Variants in RANBP17 observed in about 807,000 individuals in gnomAD.
RANBP17 encodes the protein RAN binding protein 17.
RANBP17 carries 158 observed loss-of-function variants against 141.2 expected under a neutral mutation model. The ratio of observed to expected loss-of-function variants is 1.12; its 90% confidence interval spans 0.98 to 1.28. The LOEUF (loss-of-function observed/expected upper bound fraction) is 1.28. Ranked by LOEUF, RANBP17 falls within the 50% of genes most tolerant of loss-of-function variation. The pLI, the probability that RANBP17 is intolerant of heterozygous loss-of-function variation, is 0.00. For synonymous variants in RANBP17, 430 were observed against 450.0 expected, an observed-to-expected ratio of 0.96 and a Z score of 0.56; for missense variants, 1,438 against 1,290.7, an observed-to-expected ratio of 1.11 and a Z score of -1.75.
chr5:171,261,456 T>C (rs1269079296), intron 24 of RANBP17, among the ~76,000 whole-genome samples: 1 of 152,206 alleles, frequency 6.6e-6, no homozygotes, highest in Non-Finnish European at 1.5e-5. Flanking sequence ...TGGTGACAAG[T>C]TTTGAGCTTA....
At chr5:171,069,931 C>T (rs900494349) in intron 14 of RANBP17, among the ~76,000 whole-genome samples, 2 of 152,150 alleles carry the variant, frequency 1.3e-5, no homozygotes, top group African/African-American at 4.8e-5. Flanking sequence ...TAAAAACGGT[C>T]TGCCAAACCT....
intron 14 of RANBP17, among the ~76,000 whole-genome samples, chr5:171,022,657 A>C (rs753682854): frequency 6.6e-6 from 1 of 152,174 alleles, no homozygotes; most frequent in Non-Finnish European, 1.5e-5. Flanking sequence ...GGAGGGGAAA[A>C]GTGCAGCCTG....
intron 14 of RANBP17, among the ~76,000 whole-genome samples, chr5:171,041,524 TTTG>T (rs1782248591): frequency 1.3e-5 from 2 of 152,112 alleles, no homozygotes; most frequent in South Asian, 2.1e-4. Flanking sequence ...TTTAGGCAAT[TTTG>T]TTGTTGTGGA....
intron 14 of RANBP17, among the ~76,000 whole-genome samples, chr5:171,103,976 C>T (rs1787368809): frequency 1.3e-5 from 2 of 152,168 alleles, no homozygotes; most frequent in South Asian, 4.1e-4. Flanking sequence ...GGTACCTCAG[C>T]CGGAAATGCA....
At chr5:171,089,734 G>C (rs181970107) in intron 14 of RANBP17, among the ~76,000 whole-genome samples, 2 of 151,482 alleles carry the variant, frequency 1.3e-5, no homozygotes, top group Non-Finnish European at 3.0e-5. Context: ...AGGTGCGTTC[G>C]TCACCCCTTT....
At chr5:171,266,268 A>G (rs909376680) in intron 25 of RANBP17, among the ~76,000 whole-genome samples, 3 of 152,162 alleles carry the variant, frequency 2.0e-5, no homozygotes, top group African/African-American at 7.2e-5. Context: ...GCAGCTTGCT[A>G]GGAATTTCTC....
chr5:170,945,433 T>C (rs554075547), intron 12 of RANBP17, among the ~76,000 whole-genome samples: 3 of 152,310 alleles, frequency 2.0e-5, no homozygotes, highest in Admixed American at 6.5e-5. Flanking sequence ...TGAGCACTTA[T>C]AGCACTTACT....
chr5:170,873,275 C>T (rs1446619678), intron 1 of RANBP17, among the ~76,000 whole-genome samples: 4 of 152,136 alleles, frequency 2.6e-5, no homozygotes, highest in Admixed American at 1.3e-4. Context: ...ATTTTCACAT[C>T]GATGTTCATC....
intron 22 of RANBP17, among the ~76,000 whole-genome samples, chr5:171,234,201 C>T (rs1357645175): frequency 6.6e-6 from 1 of 152,078 alleles, no homozygotes; most frequent in Non-Finnish European, 1.5e-5. Context: ...CACGTGGATT[C>T]CTTGAAGACC....
At chr5:171,063,338 G>A (rs1784047713) in intron 14 of RANBP17, among the ~76,000 whole-genome samples, 1 of 152,118 alleles carries the variant, frequency 6.6e-6, no homozygotes, top group Non-Finnish European at 1.5e-5. Context: ...ATGGGTTTTT[G>A]GTGTGGATGT....
chr5:170,915,215 G>T (rs368370598), intron 8 of RANBP17, among the ~76,000 whole-genome samples: 8 of 152,126 alleles, frequency 5.3e-5, no homozygotes, highest in Admixed American at 2.0e-4. Context: ...AAAAAATAAA[G>T]TAGAAAACAA....
chr5:171,240,541 G>C (rs1764802084), intron 22 of RANBP17, among the ~76,000 whole-genome samples: 1 of 151,998 alleles, frequency 6.6e-6, no homozygotes, highest in South Asian at 2.1e-4. Flanking sequence ...ATCTCAGTCA[G>C]GTTATCTTTT....
At chr5:170,927,905 G>T (rs1581165609) in intron 12 of RANBP17, among the ~76,000 whole-genome samples, 1 of 152,026 alleles carries the variant, frequency 6.6e-6, no homozygotes, top group African/African-American at 2.4e-5. Context: ...TGAGTGCTGG[G>T]TCATATGGTA....
chr5:170,953,604 T>C lies in RANBP17; in HGVS notation c.1476T>C (p.Leu492=), dbSNP rs1244678393. Residue 492 remains leucine, a synonymous_variant, in exon 13 of 28, where the codon CTT becomes CTC. Transcript: ENST00000523189. The stretch of plus-strand genomic sequence containing the variant: ...TTCCTTATTCTATATTAGGACGTCT[T>C]GCATGGCTGGTATACTTAGTTGGGA... ...TVDITIQEGR[L]AWLVYLVGTV... is the part of the protein sequence containing the mutation. 2 of 1,606,480 alleles carry C rather than the reference T, an allele frequency of 1.2e-6. No individual in the cohort carries two copies. The highest frequency in any genetic ancestry group is 2.2e-5 in the East Asian group (1 of 44,730).
chr5:170,881,910 T>TA lies in RANBP17; in HGVS notation c.256+15dup, dbSNP rs560589612. ...GGATGGACATCAGTAAGTGGCTTAT[T>TA]ATGCTTTTTAACCAACTGCGCTTTA... On this transcript the variant is annotated intron_variant, in intron 3 of 27. Coordinates refer to ENST00000523189, the MANE Select transcript of RANBP17 (RefSeq NM_022897.5). The TA allele has an allele frequency of 1.7e-4, 264 of 1,550,782 alleles. No individual in the cohort carries two copies. In the African/African-American group the frequency reaches 3.2e-3, roughly 19 times the overall value.
chr5:171,098,454 C>T (rs1258042923), intron 14 of RANBP17, among the ~76,000 whole-genome samples: 1 of 152,148 alleles, frequency 6.6e-6, no homozygotes, highest in Non-Finnish European at 1.5e-5. Flanking sequence ...AGTGTCTGTT[C>T]ATATCCTTTG....
At chr5:170,987,592 G>C (rs971949760) in intron 14 of RANBP17, among the ~76,000 whole-genome samples, 2 of 151,132 alleles carry the variant, frequency 1.3e-5, no homozygotes, top group African/African-American at 4.9e-5. Flanking sequence ...ATCCTACATG[G>C]TAATATATAT....
At chr5:170,951,830 AT>A (rs549959836) in intron 12 of RANBP17, among the ~76,000 whole-genome samples, 234 of 152,212 alleles carry the variant, frequency 1.5e-3, no homozygotes, top group Middle Eastern at 6.8e-3. Context: ...CTTTGTAGAT[AT>A]TGAAATCACT....
chr5:171,159,713 A>T (rs1759183317), intron 14 of RANBP17, among the ~76,000 whole-genome samples: 1 of 152,042 alleles, frequency 6.6e-6, no homozygotes, highest in Non-Finnish European at 1.5e-5. Flanking sequence ...CGAGGTCAGG[A>T]GATCAAGACC....
Sources: gnomAD v4.1 joint callset for allele counts (sites outside exome capture counted in the v4.1 genomes callset) on GRCh38, gnomAD v4.1.1 for gene constraint, MANE v1.5 for transcripts, NCBI Gene and HGNC (gene_info 2026-07-23, HGNC 2026-07-21) for gene names.